ACSL5: variants seen among roughly 807,000 people sequenced by gnomAD.
The protein encoded by ACSL5 is acyl-CoA synthetase long chain family member 5.
ACSL5 carries 50 observed loss-of-function variants against 84.9 expected under a neutral mutation model. That is an observed-to-expected ratio of 0.59 (90% CI 0.47 to 0.75). The LOEUF (loss-of-function observed/expected upper bound fraction) is 0.75, where lower values mean the gene tolerates loss of function less well. ACSL5 is among the 30% of genes least tolerant of loss of function. The pLI is 0.00. For missense variants in ACSL5, 775 were observed against 830.4 expected (o/e 0.93, Z 0.82); for synonymous variants, 280 against 300.7 (o/e 0.93, Z 0.71).
intron 1 of ACSL5, among the ~76,000 whole-genome samples, chr10:112,375,063 G>A (rs943260): frequency 0.68 from 102,944 of 150,658 alleles, 35,474 homozygotes; most frequent in African/African-American, 0.77. Context: ...AAAAAAAAAA[G>A]AAATAAAACC....
chr10:112,407,934 C>G (rs1844082943), intron 5 of ACSL5, among the ~76,000 whole-genome samples: 1 of 152,154 alleles, frequency 6.6e-6, no homozygotes, highest in African/African-American at 2.4e-5. Flanking sequence ...GCAGTTGTCC[C>G]TGTGCCTTTC....
chr10:112,412,982 C>A (rs1023343147), intron 11 of ACSL5, among the ~76,000 whole-genome samples, 191 bp from the exon 12 acceptor site: 4 of 152,144 alleles, frequency 2.6e-5, no homozygotes, highest in African/African-American at 9.7e-5. Flanking sequence ...TTCTCAGAGT[C>A]CTGAATTGGG....
Position 112,394,950 on chromosome 10 carries a change from C to T in ACSL5, c.4C>T (p.Leu2Phe), listed in dbSNP as rs1164471501. 2 of 1,613,316 alleles carry T rather than the reference C, an allele frequency of 1.2e-6. No homozygotes were observed. The highest frequency in any genetic ancestry group is 8.5e-7 in the Non-Finnish European group (1 of 1,179,938). The change falls in exon 2 of 21, where the codon CTT becomes TTT. Residue 2 changes from leucine to phenylalanine, a missense_variant. Transcript: ENST00000354655. ...TTTCCTGCTGCTGTTCACAAAGATG[C>T]TTTTTATCTTTAACTTTTTGTTTTC... M[L>F]FIFNFLFSPL...
intron 1 of ACSL5, chr10:112,375,252 A>C (rs1389973053): frequency 6.6e-6 from 1 of 152,070 alleles, no homozygotes; most frequent in Non-Finnish European, 1.5e-5. Context: ...GTGCTCCTCC[A>C]GCCGTGAGAT....
chr10:112,416,379 G>A (rs1448574308), intron 12 of ACSL5, among the ~76,000 whole-genome samples: 1 of 149,426 alleles, frequency 6.7e-6, no homozygotes, highest in African/African-American at 2.5e-5. Flanking sequence ...GCTGAGGCAG[G>A]AGAATGGCGT....
At chr10:112,417,201 T>TAAAAAA (rs377732977) in intron 13 of ACSL5, among the ~76,000 whole-genome samples, 179 bp downstream of exon 13, 34,096 of 119,800 alleles carry the variant, frequency 0.28, 5,567 homozygotes, top group African/African-American at 0.38. Context: ...GGAGTAGGTT[T>TAAAAAA]AAAAAAAAAA....
intron 1 of ACSL5, among the ~76,000 whole-genome samples, chr10:112,381,660 T>C (rs1184197994): frequency 9.4e-6 from 1 of 106,614 alleles, no homozygotes; most frequent in Non-Finnish European, 1.9e-5. Flanking sequence ...AGAGTGAGAC[T>C]GTCTCAAAAA....
chr10:112,405,672 G>T (rs969477498), intron 5 of ACSL5, among the ~76,000 whole-genome samples: 1 of 152,000 alleles, frequency 6.6e-6, no homozygotes, highest in African/African-American at 2.4e-5. Flanking sequence ...CAACATGGGG[G>T]TTAGGACCAC....
rs1400231615 is a variant in ACSL5 at position 112,398,776 on chromosome 10, T to C, written c.157-125T>C. 5.5e-6 allele frequency: 4 copies of C among 732,848 alleles called. No individual in the cohort carries two copies. The East Asian group carries it at 1.0e-4, about 19-fold the overall frequency. The allele number at this position is 732,848 out of a possible 1,614,324, so 45.4% of individuals were successfully genotyped here. A position where few individuals can be genotyped will look rare whatever the true frequency, so the allele number is the denominator to read the frequency against. ...TGGGGATTTTTAAAAATCAATTGAC[T>C]AGCGAAGAGAACATTCCCGTGACCT... On this transcript the variant is annotated intron_variant, in intron 2 of 20. Coordinates refer to ENST00000354655, the MANE Select transcript of ACSL5 (RefSeq NM_203379.2).
chr10:112,424,613 T>C (rs1182406448), intron 17 of ACSL5: 7 of 152,346 alleles, frequency 4.6e-5, no homozygotes, highest in East Asian at 1.9e-4. Context: ...TTAGGCTGAA[T>C]TGATGGCTAA....
intron 1 of ACSL5, among the ~76,000 whole-genome samples, chr10:112,385,494 G>A (rs746811260): frequency 8.5e-5 from 13 of 152,158 alleles, no homozygotes; most frequent in South Asian, 2.1e-4. Context: ...CACAATTCAC[G>A]TTGCATTTCT....
chr10:112,410,635 G>A lies in ACSL5; in HGVS notation c.796G>A (p.Gly266Ser), dbSNP rs750645086. ...CATCTGCTTCACCAGTGGGACCACA[G>A]GTCTGTGCCCATGAAACTGAACCTT... Reference protein sequence around the residue: ...SVICFTSGTTGDPKGAMITHQ... With the variant: ...SVICFTSGTTSDPKGAMITHQ... The change falls in exon 9 of 21, where the codon GGT (glycine) becomes AGT (serine). Residue 266 changes from glycine to serine, a missense_variant and splice_region_variant. Coordinates refer to ENST00000354655, the MANE Select transcript of ACSL5 (RefSeq NM_203379.2). The A allele has an allele frequency of 6.2e-7, 1 of 1,613,194 alleles. No individual in the cohort carries two copies. The highest frequency in any genetic ancestry group is 1.7e-5 in the Admixed American group (1 of 59,914).
At chr10:112,424,795 T>TTG (rs1177282306) in intron 17 of ACSL5, 1 of 152,332 alleles carries the variant, frequency 6.6e-6, no homozygotes, top group African/African-American at 2.4e-5. Context: ...CAAATGACCT[T>TTG]TGGTGGCTGG....
chr10:112,420,642 A>G (rs1469553048), intron 14 of ACSL5, among the ~76,000 whole-genome samples: 1 of 152,096 alleles, frequency 6.6e-6, no homozygotes, highest in Non-Finnish European at 1.5e-5. Context: ...TTCAATTGCT[A>G]TTGGGTTGCA....
chr10:112,398,849 G>A, intron 2 of ACSL5, 52 bp from the exon 3 acceptor site: 4 of 1,487,852 alleles, frequency 2.7e-6, no homozygotes, highest in Non-Finnish European at 3.8e-6. Context: ...AAAGGTTTTG[G>A]AAAGAGTGAG....
At chr10:112,407,155 C>T (rs1336252144) in intron 5 of ACSL5, among the ~76,000 whole-genome samples, 1 of 152,192 alleles carries the variant, frequency 6.6e-6, no homozygotes, top group East Asian at 1.9e-4. Flanking sequence ...TTACCTCCCC[C>T]TGGGTCCCTC....
At chr10:112,419,858 AT>A (rs1844414197) in intron 14 of ACSL5, 1 of 151,972 alleles carries the variant, frequency 6.6e-6, no homozygotes, top group Non-Finnish European at 1.5e-5. Flanking sequence ...TTTCACCCTT[AT>A]TTTCTGGCAA....
chr10:112,396,738 G>A lies in ACSL5; in HGVS notation c.156+1636G>A, dbSNP rs554544474. Among the ~76,000 whole-genome samples, 7 of 152,030 alleles carry A rather than the reference G, an allele frequency of 4.6e-5. No individual in the cohort carries two copies. The East Asian group carries it at 1.4e-3, about 29-fold the overall frequency. ...CTTTCCTATTCTATTTCAGTTAAAT[G>A]TATCTCTTCTTACCCAGTTGCCAAA... On this transcript the variant is annotated intron_variant, in intron 2 of 20. Coordinates refer to ENST00000354655, the MANE Select transcript of ACSL5 (RefSeq NM_203379.2).
chr10:112,417,809 A>G, intron 13 of ACSL5, 37 bp from the exon 14 acceptor site: 1 of 1,572,902 alleles, frequency 6.4e-7, no homozygotes, highest in Non-Finnish European at 8.8e-7. Context: ...AAGCCAAGAG[A>G]ATAGGTTTTA....
Sources: gnomAD v4.1 joint callset for allele counts (sites outside exome capture counted in the v4.1 genomes callset) on GRCh38, gnomAD v4.1.1 for gene constraint, MANE v1.5 for transcripts, NCBI Gene and HGNC (gene_info 2026-07-23, HGNC 2026-07-21) for gene names.